The following FAM237A variants were observed in gnomAD, a reference collection of about 807,000 sequenced individuals.
FAM237A encodes the protein protein FAM237A.
A neutral mutation model predicts 12.5 loss-of-function variants in FAM237A; 14 were observed. The ratio of observed to expected loss-of-function variants is 1.12; its 90% confidence interval spans 0.74 to 1.75. FAM237A has a LOEUF of 1.75. Ranked by LOEUF, FAM237A falls within the 40% of genes most tolerant of loss-of-function variation. The pLI is 0.00. For synonymous variants in FAM237A, 85 were observed against 77.5 expected (o/e 1.10, Z -0.51); for missense variants, 240 against 211.7 (o/e 1.13, Z -0.83).
Position 206,644,750 on chromosome 2 carries a change from T to A in FAM237A, c.412+102T>A. 4.3e-6 allele frequency: 5 copies of A among 1,162,558 alleles called. No homozygotes were observed. The South Asian group carries it at 8.6e-5, about 20-fold the overall frequency. The allele number at this position is 1,162,558 out of a possible 1,614,324, so 72.0% of individuals were successfully genotyped here. A position where few individuals can be genotyped will look rare whatever the true frequency, so the allele number is the denominator to read the frequency against. On this transcript the variant is annotated intron_variant, in intron 2 of 2. Transcript: ENST00000441223. Reference sequence around the variant, plus strand: ...ATGGCATTAGGGGAATCCAGTGTCATATATATTCCTCTCAAGAGGTGAACC... The same window carrying A: ...ATGGCATTAGGGGAATCCAGTGTCAAATATATTCCTCTCAAGAGGTGAACC...
At chr2:206,643,680 T>C (rs1699281205) in intron 1 of FAM237A, among the ~76,000 whole-genome samples, 1 of 152,230 alleles carries the variant, frequency 6.6e-6, no homozygotes, top group East Asian at 1.9e-4. Context: ...TCCACATATA[T>C]TCATCCATAC....
chr2:206,646,824 C>A (rs1484105177), intron 2 of FAM237A, among the ~76,000 whole-genome samples: 1 of 152,106 alleles, frequency 6.6e-6, no homozygotes, highest in Non-Finnish European at 1.5e-5. Flanking sequence ...CTGCATGGAT[C>A]CTCCAATATT....
intron 2 of FAM237A, 28 bp downstream of exon 2, chr2:206,644,676 T>C (rs1699295918): frequency 6.6e-7 from 1 of 1,516,862 alleles, no homozygotes; most frequent in East Asian, 2.3e-5. Context: ...CCATGTCTTT[T>C]GAAAGGGTCA....
rs1699291045 is a variant in FAM237A, at chr2:206,644,411, G to A, written c.175G>A (p.Glu59Lys). The change falls in exon 2 of 3, where the codon GAA becomes AAA. Residue 59 changes from glutamate to lysine, a missense_variant. Transcript: ENST00000441223. ...CWESSSVLLLEMWKPRVSNTV... is the reference protein window; with the variant it reads ...CWESSSVLLLKMWKPRVSNTV... ...GGAATCCTCCTCAGTGCTTCTCCTG[G>A]AAATGTGGAAACCTCGCGTTTCCAA... The A allele has an allele frequency of 6.2e-7, 1 of 1,613,826 alleles. No individual in the cohort carries two copies. Among genetic ancestry groups the A allele is most frequent in the Non-Finnish European group, 8.5e-7 (1 of 1,179,812 alleles).
chr2:206,648,968 T>G lies in FAM237A; in HGVS notation c.*174T>G, dbSNP rs2105883395. The G allele has an allele frequency of 2.7e-6, 1 of 371,686 alleles. No individual in the cohort carries two copies. The highest frequency in any genetic ancestry group is 5.3e-5 in the South Asian group (1 of 18,722). 23.0% of individuals were successfully genotyped at this position (371,686 alleles called of 1,614,324 possible). A position where few individuals can be genotyped will look rare whatever the true frequency, so the allele number is the denominator to read the frequency against. On this transcript the variant is annotated 3_prime_UTR_variant, in exon 3 of 3. Transcript: ENST00000441223. ...TGCCTTCTATTATTTATTTATTTAT[T>G]TTAGGCTGCTAGCATGTTTCTTCTA...
rs773534615 is a variant in FAM237A at position 206,644,426 on chromosome 2, C to T, written c.190C>T (p.Arg64Cys). 3.1e-6 allele frequency: 5 copies of T among 1,613,850 alleles called. No individual in the cohort carries two copies. Among genetic ancestry groups the T allele is most frequent in the East Asian group, 2.2e-5 (1 of 44,888 alleles). ...SVLLLEMWKP[R>C]VSNTVSGFWD... ...GCTTCTCCTGGAAATGTGGAAACCT[C>T]GCGTTTCCAACACTGTTTCAGGCTT... Residue 64 changes from arginine (R) to cysteine (C), a missense_variant, in exon 2 of 3, where the codon CGC (arginine) becomes TGC (cysteine). Transcript: ENST00000441223.
intron 2 of FAM237A, among the ~76,000 whole-genome samples, chr2:206,645,888 C>T (rs72958638): frequency 0.055 from 8,342 of 151,938 alleles, 329 homozygotes; most frequent in Admixed American, 0.13. Flanking sequence ...TGTTGGTTAC[C>T]CATATTTTTA....
At chr2:206,644,759 C>A in intron 2 of FAM237A, 111 bp downstream of exon 2, 1 of 1,098,956 alleles carries the variant, frequency 9.1e-7, no homozygotes, top group Admixed American at 3.1e-5. Flanking sequence ...ATATATATTC[C>A]TCTCAAGAGG....
intron 2 of FAM237A, among the ~76,000 whole-genome samples, chr2:206,647,147 A>G (rs1459505031): frequency 6.6e-6 from 1 of 152,246 alleles, no homozygotes; most frequent in Non-Finnish European, 1.5e-5. Flanking sequence ...AAACAAAAAA[A>G]TATCAAATAA....
intron 2 of FAM237A, among the ~76,000 whole-genome samples, chr2:206,648,264 A>G (rs1302611203): frequency 6.6e-6 from 1 of 152,206 alleles, no homozygotes; most frequent in Non-Finnish European, 1.5e-5. Flanking sequence ...GGTAGTGGTT[A>G]AATAAGTTAT....
intron 1 of FAM237A, among the ~76,000 whole-genome samples, chr2:206,643,953 A>G (rs2105881477): frequency 6.6e-6 from 1 of 152,354 alleles, no homozygotes; most frequent in South Asian, 2.1e-4. Flanking sequence ...AAAACAGATT[A>G]GCAGATTAAT....
intron 2 of FAM237A, among the ~76,000 whole-genome samples, chr2:206,647,682 T>TA (rs1699335013): frequency 8.2e-6 from 1 of 121,786 alleles, no homozygotes; most frequent in Non-Finnish European, 1.8e-5. Flanking sequence ...GAGTGTGTGT[T>TA]AGGGAAAGAG....
At chr2:206,643,109 C>T (rs564769746) in intron 1 of FAM237A, among the ~76,000 whole-genome samples, 98 of 152,332 alleles carry the variant, frequency 6.4e-4, no homozygotes, top group African/African-American at 2.3e-3. Context: ...ACATGTCCTA[C>T]TGCTGTTCAG....
chr2:206,644,275 CT>C lies in FAM237A; in HGVS notation c.41del (p.Leu14Ter). On this transcript the variant is annotated frameshift_variant, in exon 2 of 3. Transcript: ENST00000441223. LOFTEE classifies it high-confidence loss of function. ...GGAACAGAGGAGGGATCCACCGCCC[CT>C]TGAGCTTCACCTGCTCCCTGCTCAT... Reference protein sequence around the residue: ...PGNRGGIHRPLSFTCSLLIVG... With the variant: ...PGNRGGIHRPXSFTCSLLIVG... 2 of 1,611,486 alleles carry C rather than the reference CT, an allele frequency of 1.2e-6. No individual in the cohort carries two copies. The highest frequency in any genetic ancestry group is 1.7e-6 in the Non-Finnish European group (2 of 1,178,550).
At chr2:206,645,362 A>G (rs1397090050) in intron 2 of FAM237A, among the ~76,000 whole-genome samples, 2 of 152,200 alleles carry the variant, frequency 1.3e-5, no homozygotes, top group Non-Finnish European at 2.9e-5. Flanking sequence ...CCCTTATAGA[A>G]TTAGAATGAG....
At chr2:206,643,772 T>G (rs949592296) in intron 1 of FAM237A, among the ~76,000 whole-genome samples, 1 of 152,172 alleles carries the variant, frequency 6.6e-6, no homozygotes, top group Non-Finnish European at 1.5e-5. Context: ...AAAGTCACAG[T>G]GAACAGGAAT....
Position 206,644,620 on chromosome 2 carries a change from G to A in FAM237A, c.384G>A (p.Ala128=), listed in dbSNP as rs376138541. 6.9e-6 allele frequency: 11 copies of A among 1,596,072 alleles called. No individual in the cohort carries two copies. The highest frequency in any genetic ancestry group is 4.0e-5 in the African/African-American group (3 of 74,422). Residue 128 remains alanine, a synonymous_variant, in exon 2 of 3, where the codon GCG becomes GCA. Transcript: ENST00000441223. ...GAGAGGAAGAGAAAATCTCAGCAGC[G>A]CAGCCACAGCACACAAGGAGTAAAC... is the stretch of plus-strand genomic sequence containing the variant. ...LVGEEEKISA[A]QPQHTRSKQG... is the part of the protein sequence containing the mutation.
chr2:206,648,767 A>C lies in FAM237A; in HGVS notation c.519A>C (p.Lys173Asn). 6.5e-7 allele frequency: 1 copy of C among 1,543,074 alleles called. No individual in the cohort carries two copies. The highest frequency in any genetic ancestry group is 8.7e-7 in the Non-Finnish European group (1 of 1,143,274). ...GGAGTGGGTCTAGTGTCATTGGAAAAGTGAACCTGGAAATAAAGAGAAAAT... is the reference window on the plus strand; with the variant it reads ...GGAGTGGGTCTAGTGTCATTGGAAACGTGAACCTGGAAATAAAGAGAAAAT... ...VRRSGSSVIG[K>N]VNLEIKRK The change falls in exon 3 of 3, where the codon AAA (lysine) becomes AAC (asparagine). Residue 173 changes from lysine (K) to asparagine (N), a missense_variant. Transcript: ENST00000441223.
intron 2 of FAM237A, 142 bp downstream of exon 2, chr2:206,644,790 C>A: frequency 2.6e-6 from 2 of 775,548 alleles, no homozygotes; most frequent in East Asian, 2.8e-5. Context: ...GAGCACATAA[C>A]TGATAGGAAG....
Sources: gnomAD v4.1 joint callset for allele counts (sites outside exome capture counted in the v4.1 genomes callset) on GRCh38, gnomAD v4.1.1 for gene constraint, MANE v1.5 for transcripts, NCBI Gene and HGNC (gene_info 2026-07-23, HGNC 2026-07-21) for gene names.